The following HMCN2 variants were observed in gnomAD, a reference collection of about 807,000 sequenced individuals.
HMCN2 encodes hemicentin 2, also known as hemicentin-2.
HMCN2 carries 325 observed loss-of-function variants against 377.5 expected under a neutral mutation model. The observed-to-expected ratio is 0.86, with a 90% CI of 0.79 to 0.94. The LOEUF (loss-of-function observed/expected upper bound fraction) is 0.94, where lower values mean the gene tolerates loss of function less well. HMCN2 is among the 40% of genes least tolerant of loss of function. HMCN2 has a pLI of 0.00. For synonymous variants in HMCN2, 2,007 were observed against 2,046.8 expected, an observed-to-expected ratio of 0.98 and a Z score of 0.53; for missense variants, 4,543 against 4,725.3, an observed-to-expected ratio of 0.96 and a Z score of 1.13.
intron 28 of HMCN2, 67 bp from the exon 29 acceptor site, chr9:130,349,470 G>T (rs1416624905): frequency 1.6e-6 from 2 of 1,276,662 alleles, no homozygotes; most frequent in Non-Finnish European, 2.1e-6. Flanking sequence ...ACAGACAAAG[G>T]CCCCGTGGTA....
chr9:130,362,259 G>C, intron 39 of HMCN2, 94 bp downstream of exon 39: 2 of 875,444 alleles, frequency 2.3e-6, no homozygotes, highest in African/African-American at 3.6e-5. Context: ...GGGTGAGGGA[G>C]AAGCAGCGAT....
chr9:130,360,874 T>TATCC lies in HMCN2; in HGVS notation c.5950+290_5950+293dup, dbSNP rs749853033. Among the ~76,000 whole-genome samples the TATCC allele has an allele frequency of 1.9e-4, 28 of 150,194 alleles. No homozygotes were observed. Among genetic ancestry groups the TATCC allele is most frequent in the South Asian group, 6.5e-4 (3 of 4,622 alleles). On this transcript the variant is annotated intron_variant, in intron 38 of 97. Transcript: ENST00000683500. This position sits in a 1 kb window ranked among gnomAD's most constrained non-coding sequence, Gnocchi z 4.7. Reference sequence around the variant, plus strand: ...CCACCCATCCATCCATCAACTCATCTATCCATCCATCCATCCATCCATCTC... The same window carrying TATCC: ...CCACCCATCCATCCATCAACTCATCTATCCATCCATCCATCCATCCATCCATCTC...
At chr9:130,336,701 G>A (rs932004112) in intron 22 of HMCN2, among the ~76,000 whole-genome samples, 39 of 152,308 alleles carry the variant, frequency 2.6e-4, no homozygotes, top group South Asian at 1.2e-3. Context: ...GGAGGGGGTG[G>A]CTGGAAAGGG....
chr9:130,319,430 C>T (rs1837732037), intron 15 of HMCN2, 65 bp from the exon 16 acceptor site: 1 of 152,226 alleles, frequency 6.6e-6, no homozygotes, highest in South Asian at 2.1e-4. Context: ...GGAGGCAGTT[C>T]CTTGGGGACC....
intron 85 of HMCN2, among the ~76,000 whole-genome samples, chr9:130,415,679 G>T (rs1843645877): frequency 6.6e-6 from 1 of 152,206 alleles, no homozygotes. Context: ...GTTGGCCTCG[G>T]TTTACTGTCC....
chr9:130,405,657 G>A (rs146548195), intron 81 of HMCN2, among the ~76,000 whole-genome samples: 1 of 152,370 alleles, frequency 6.6e-6, no homozygotes, highest in Non-Finnish European at 1.5e-5. Flanking sequence ...CAAAAGCAAG[G>A]CCTGCAGTGC....
intron 86 of HMCN2, 178 bp downstream of exon 86, chr9:130,419,219 GA>G (rs1275453817): frequency 1.3e-5 from 7 of 535,244 alleles, no homozygotes; most frequent in Non-Finnish European, 2.1e-5. Flanking sequence ...TGGGTAAACT[GA>G]ATCTTGGAGG....
chr9:130,350,961 C>G (rs1388633347), intron 29 of HMCN2, among the ~76,000 whole-genome samples: 1 of 152,052 alleles, frequency 6.6e-6, no homozygotes, highest in South Asian at 2.1e-4. Context: ...CATGGGGCAA[C>G]TTTCACTTCT....
intron 85 of HMCN2, among the ~76,000 whole-genome samples, chr9:130,416,297 G>T (rs944454884): frequency 1.8e-4 from 27 of 151,964 alleles, no homozygotes; most frequent in Admixed American, 2.6e-4. Flanking sequence ...TTGAGACAGG[G>T]TTTCACCATG....
chr9:130,407,965 T>A (rs1039714773), intron 83 of HMCN2, among the ~76,000 whole-genome samples: 2 of 152,202 alleles, frequency 1.3e-5, no homozygotes, highest in African/African-American at 4.8e-5. Flanking sequence ...CAGGTAGAAT[T>A]GGAATCTGAC....
At position 130,279,447 on chromosome 9, in the gene HMCN2, G is replaced by A. The variant is rs1554924857; in HGVS notation, c.260-5156G>A. Among the ~76,000 whole-genome samples, 5 of 152,098 alleles carry A rather than the reference G, an allele frequency of 3.3e-5. No individual in the cohort carries two copies. The South Asian group carries it at 1.0e-3, about 32-fold the overall frequency. On this transcript the variant is annotated intron_variant, in intron 1 of 97. Coordinates refer to ENST00000683500, the MANE Select transcript of HMCN2 (RefSeq NM_001291815.2). Reference sequence around the variant, plus strand: ...GGCTTCCTGCAACCTCTGCCTCCCAGGTTCAAGCAACTCTCCTGCCTCAGC... The same window carrying A: ...GGCTTCCTGCAACCTCTGCCTCCCAAGTTCAAGCAACTCTCCTGCCTCAGC...
chr9:130,367,587 C>T (rs753372037), intron 43 of HMCN2, among the ~76,000 whole-genome samples: 24 of 152,176 alleles, frequency 1.6e-4, no homozygotes, highest in African/African-American at 3.6e-4. Flanking sequence ...AGTGGATGGT[C>T]GTTCCTTCAG....
At chr9:130,301,740 A>C (rs1371723992) in intron 8 of HMCN2, among the ~76,000 whole-genome samples, 1 of 152,214 alleles carries the variant, frequency 6.6e-6, no homozygotes, top group Non-Finnish European at 1.5e-5. Flanking sequence ...GCATTGTCTC[A>C]TTCCCGGAGC....
At position 130,428,115 on chromosome 9, in the gene HMCN2, C is replaced by T. The variant is rs540811643; in HGVS notation, c.14066-243C>T. 1.3e-3 allele frequency among the ~76,000 whole-genome samples: 200 copies of T among 152,268 alleles called. No homozygotes were observed. The highest frequency in any genetic ancestry group is 4.6e-3 in the African/African-American group (192 of 41,564). On this transcript the variant is annotated intron_variant, in intron 92 of 97. Coordinates refer to ENST00000683500, the MANE Select transcript of HMCN2 (RefSeq NM_001291815.2). This position sits in a 1 kb window ranked among gnomAD's most constrained non-coding sequence, Gnocchi z 5.0. ...GCTCCAAGCCGGGTGCCCAAGGGGACGTTGTCTGCAGCCTTGCATTGGAAG... is the reference window on the plus strand; with the variant it reads ...GCTCCAAGCCGGGTGCCCAAGGGGATGTTGTCTGCAGCCTTGCATTGGAAG...
chr9:130,324,503 G>A lies in HMCN2; in HGVS notation c.2921-1092G>A, dbSNP rs923863509. Reference sequence around the variant, plus strand: ...CCCCCACCAGGGCGGCCCGTTGTTAGCACTGAAGACACGTCATCATCACTC... The same window carrying A: ...CCCCCACCAGGGCGGCCCGTTGTTAACACTGAAGACACGTCATCATCACTC... On this transcript the variant is annotated intron_variant, in intron 19 of 97. Coordinates refer to ENST00000683500, the MANE Select transcript of HMCN2 (RefSeq NM_001291815.2). 2.6e-4 allele frequency among the ~76,000 whole-genome samples: 40 copies of A among 152,256 alleles called. No individual in the cohort carries two copies. In the South Asian group the frequency reaches 4.4e-3, roughly 17 times the overall value.
chr9:130,402,125 G>A (rs1842878547), intron 77 of HMCN2, among the ~76,000 whole-genome samples: 1 of 152,214 alleles, frequency 6.6e-6, no homozygotes, highest in Admixed American at 6.5e-5. Context: ...GTAATAAGTG[G>A]TAACAGCAAA....
Position 130,327,125 on chromosome 9 carries a change from A to C in HMCN2, c.3194-185A>C, listed in dbSNP as rs938588882. On this transcript the variant is annotated intron_variant, in intron 21 of 97. Coordinates refer to ENST00000683500, the MANE Select transcript of HMCN2 (RefSeq NM_001291815.2). ...GGGAGGACTGAGTGAAAACCCTGGG[A>C]CCTGAGTCCCACCTCCAATCTGGAC... 3.9e-3 allele frequency among the ~76,000 whole-genome samples: 598 copies of C among 151,920 alleles called. 5 individuals are homozygous for C. Among genetic ancestry groups the C allele is most frequent in the African/African-American group, 0.014 (564 of 41,412 alleles).
In HMCN2 at chr9:130,314,842, T is replaced by A. The variant is rs948073248; in HGVS notation, c.2351-4653T>A. 4.7e-4 allele frequency among the ~76,000 whole-genome samples: 72 copies of A among 152,086 alleles called. No individual in the cohort carries two copies. The East Asian group carries it at 0.011, about 24-fold the overall frequency. On this transcript the variant is annotated intron_variant, in intron 15 of 97. Transcript: ENST00000683500. Reference sequence around the variant, plus strand: ...TACCAGGACCAAGGTGAAAATAGAGTTACCGCCTTCCAGATGGATAAACTG... The same window carrying A: ...TACCAGGACCAAGGTGAAAATAGAGATACCGCCTTCCAGATGGATAAACTG...
chr9:130,297,022 T>A (rs1334736856), intron 7 of HMCN2, among the ~76,000 whole-genome samples: 3 of 152,274 alleles, frequency 2.0e-5, no homozygotes, highest in Middle Eastern at 3.4e-3. Flanking sequence ...ATTGTGACAT[T>A]TACCTTTAGA....
Sources: allele counts gnomAD v4.1 joint callset (sites outside exome capture counted in the v4.1 genomes callset), GRCh38; gene constraint gnomAD v4.1.1; non-coding constraint Gnocchi (gnomAD v3.1); transcripts MANE v1.5; gene names NCBI Gene and HGNC (gene_info 2026-07-23, HGNC 2026-07-21).